GRM5: variants seen among roughly 807,000 people sequenced by gnomAD.
GRM5 encodes the protein glutamate metabotropic receptor 5.
GRM5 carries 19 observed loss-of-function variants against 83.1 expected under a neutral mutation model. The observed-to-expected ratio is 0.23, with a 90% CI of 0.16 to 0.34. The LOEUF is 0.34. Among genes scored for constraint, GRM5 ranks in the 10% least tolerant of loss-of-function variants. The pLI, the probability that GRM5 is intolerant of heterozygous loss-of-function variation, is 1.00. For synonymous variants in GRM5, 675 were observed against 633.6 expected (o/e 1.07, Z -0.98); for missense variants, 1,160 against 1,588.3 (o/e 0.73, Z 4.58).
intron 4 of GRM5, among the ~76,000 whole-genome samples, chr11:88,617,509 C>A (rs1393773443): frequency 6.6e-6 from 1 of 152,154 alleles, no homozygotes; most frequent in Non-Finnish European, 1.5e-5. Context: ...AAGTTTATTT[C>A]CAGTCTGAGG....
chr11:88,524,210 CTTTCTT>C (rs753570459), intron 9 of GRM5, among the ~76,000 whole-genome samples: 1 of 95,446 alleles, frequency 1.0e-5, no homozygotes, highest in African/African-American at 4.0e-5. Flanking sequence ...TTCTTTCTTT[CTTTCTT>C]TTTTTTTTTT....
chr11:88,939,699 CGT>C (rs930638381), intron 2 of GRM5, among the ~76,000 whole-genome samples: 6 of 151,500 alleles, frequency 4.0e-5, no homozygotes, highest in African/African-American at 9.7e-5. Flanking sequence ...TATGTGTGCG[CGT>C]GTTTGGCGAA....
intron 2 of GRM5, among the ~76,000 whole-genome samples, chr11:88,936,629 G>C (rs1246763191): frequency 6.6e-6 from 1 of 151,700 alleles, no homozygotes; most frequent in Non-Finnish European, 1.5e-5. Context: ...TTGATATGAA[G>C]GATGGAAATA....
At chr11:88,795,853 A>G (rs1359687898) in intron 3 of GRM5, among the ~76,000 whole-genome samples, 1 of 152,220 alleles carries the variant, frequency 6.6e-6, no homozygotes, top group Non-Finnish European at 1.5e-5. Context: ...TAATAGTTGC[A>G]TATGTCCCTA....
chr11:88,643,272 C>T (rs1176452665), intron 4 of GRM5, among the ~76,000 whole-genome samples: 2 of 35,248 alleles, frequency 5.7e-5, no homozygotes, highest in East Asian at 2.9e-3. Context: ...TGGTGCCATG[C>T]TTTACAACTA....
At chr11:88,933,472 C>T (rs7931636) in intron 2 of GRM5, among the ~76,000 whole-genome samples, 2 of 151,862 alleles carry the variant, frequency 1.3e-5, no homozygotes, top group East Asian at 3.9e-4. Context: ...CTCATATATT[C>T]TATCTTATCT....
At chr11:88,778,862 T>C (rs1433982235) in intron 3 of GRM5, among the ~76,000 whole-genome samples, 1 of 152,184 alleles carries the variant, frequency 6.6e-6, no homozygotes, top group Non-Finnish European at 1.5e-5. Flanking sequence ...AATTTTCACT[T>C]AGGCTTCATG....
chr11:88,850,843 A>C (rs1234209940), intron 2 of GRM5, among the ~76,000 whole-genome samples: 1 of 149,564 alleles, frequency 6.7e-6, no homozygotes, highest in African/African-American at 2.5e-5. Flanking sequence ...AAATTTGGGG[A>C]CTAAGGACAA....
intron 8 of GRM5, among the ~76,000 whole-genome samples, chr11:88,528,359 A>AT (rs1051347607): frequency 2.0e-5 from 3 of 152,052 alleles, no homozygotes; most frequent in African/African-American, 7.2e-5. Flanking sequence ...CTGTAATTAT[A>AT]TTCACCAGAT....
chr11:88,895,982 G>C (rs1945223018), intron 2 of GRM5, among the ~76,000 whole-genome samples: 1 of 151,932 alleles, frequency 6.6e-6, no homozygotes, highest in South Asian at 2.1e-4. Flanking sequence ...AGTAACATTA[G>C]GATGAAATTA....
intron 3 of GRM5, among the ~76,000 whole-genome samples, chr11:88,718,514 A>ATTAC (rs1433880802): frequency 6.6e-6 from 1 of 151,994 alleles, no homozygotes; most frequent in African/African-American, 2.4e-5. Context: ...GTATTCATAT[A>ATTAC]TTACTTATAT....
intron 2 of GRM5, among the ~76,000 whole-genome samples, chr11:88,895,983 G>A (rs1316290445): frequency 6.6e-6 from 1 of 151,926 alleles, no homozygotes; most frequent in Non-Finnish European, 1.5e-5. Flanking sequence ...GTAACATTAG[G>A]ATGAAATTAG....
chr11:88,868,952 C>T lies in GRM5; in HGVS notation c.662-18797G>A, dbSNP rs568345786. Among the ~76,000 whole-genome samples the T allele has an allele frequency of 1.9e-4, 29 of 151,772 alleles. 1 individual carries two copies. In the South Asian group the frequency reaches 5.4e-3, roughly 28 times the overall value. ...TCATTTTGCTGCTGATGAAATCCCA[C>T]GATAGTACCAAAGTATTGGCTTTTT... On this transcript the variant is annotated intron_variant, in intron 2 of 9. Coordinates refer to ENST00000305447, the MANE Select transcript of GRM5 (RefSeq NM_001143831.3).
At chr11:89,011,203 T>G (rs1196832078) in intron 2 of GRM5, among the ~76,000 whole-genome samples, 3 of 152,230 alleles carry the variant, frequency 2.0e-5, no homozygotes, top group African/African-American at 7.2e-5. Context: ...TCGTTTTCTT[T>G]TTTTTCTTTT....
chr11:88,911,353 TCTATC>T (rs1270577949), intron 2 of GRM5, among the ~76,000 whole-genome samples: 1 of 152,142 alleles, frequency 6.6e-6, no homozygotes, highest in Non-Finnish European at 1.5e-5. Context: ...TATTTATTCA[TCTATC>T]CTGTGTTTCC....
At chr11:89,017,770 A>C (rs1940895592) in intron 2 of GRM5, among the ~76,000 whole-genome samples, 1 of 152,214 alleles carries the variant, frequency 6.6e-6, no homozygotes, top group Non-Finnish European at 1.5e-5. Flanking sequence ...TACCCACCAT[A>C]GAGTTTCTAT....
intron 3 of GRM5, among the ~76,000 whole-genome samples, chr11:88,826,280 G>A (rs12275129): frequency 0.026 from 3,872 of 151,738 alleles, 173 homozygotes; most frequent in African/African-American, 0.089. Context: ...TAAAAAAGAT[G>A]GTTTCTTCAT....
intron 9 of GRM5, among the ~76,000 whole-genome samples, chr11:88,512,604 A>G (rs1445642057): frequency 6.6e-6 from 1 of 152,196 alleles, no homozygotes; most frequent in Non-Finnish European, 1.5e-5. Context: ...GGAAGGTGCA[A>G]TAGAATAGAG....
At chr11:88,667,619 C>T (rs148127318) in intron 3 of GRM5, among the ~76,000 whole-genome samples, 6 of 152,184 alleles carry the variant, frequency 3.9e-5, no homozygotes, top group Admixed American at 6.5e-5. Flanking sequence ...TTAGGCCAGG[C>T]GCAGTGGCTC....
Sources: gnomAD v4.1 joint callset for allele counts (sites outside exome capture counted in the v4.1 genomes callset) on GRCh38, gnomAD v4.1.1 for gene constraint, MANE v1.5 for transcripts, NCBI Gene and HGNC (gene_info 2026-07-23, HGNC 2026-07-21) for gene names.